The following SYNRG variants were observed in gnomAD, a reference collection of about 807,000 sequenced individuals.
SYNRG encodes synergin gamma, also known as AP1 gamma subunit binding protein 1.
SYNRG carries 37 observed loss-of-function variants against 130.9 expected under a neutral mutation model. That is an observed-to-expected ratio of 0.28 (90% CI 0.22 to 0.37). The LOEUF is 0.37. SYNRG is among the 10% of genes least tolerant of loss of function. SYNRG has a pLI of 1.00. For synonymous variants in SYNRG, 539 were observed against 568.1 expected (o/e 0.95, Z 0.73); for missense variants, 1,338 against 1,588.9 (o/e 0.84, Z 2.68).
At chr17:37,531,934 T>C (rs1568283913) in intron 19 of SYNRG, among the ~76,000 whole-genome samples, 2 of 152,222 alleles carry the variant, frequency 1.3e-5, no homozygotes, top group African/African-American at 4.8e-5. Context: ...GGCTAAAGAT[T>C]CACCACAATT....
intron 20 of SYNRG, 24 bp from the exon 21 acceptor site, chr17:37,520,238 G>A: frequency 1.2e-6 from 2 of 1,614,098 alleles, no homozygotes; most frequent in Non-Finnish European, 1.7e-6. Flanking sequence ...GAAACCACAG[G>A]TCAACAACAT....
intron 5 of SYNRG, among the ~76,000 whole-genome samples, chr17:37,584,995 TA>T (rs1477153773): frequency 6.6e-6 from 1 of 152,238 alleles, no homozygotes; most frequent in African/African-American, 2.4e-5. Flanking sequence ...ACCTGTTTGA[TA>T]TTAAGTGTCC....
At chr17:37,597,036 C>T (rs2062837805) in intron 2 of SYNRG, among the ~76,000 whole-genome samples, 4 of 152,196 alleles carry the variant, frequency 2.6e-5, no homozygotes, top group Admixed American at 2.6e-4. Flanking sequence ...GCCACTGTGC[C>T]TGGCCTGAAG....
chr17:37,584,170 A>G (rs9915242), intron 6 of SYNRG, among the ~76,000 whole-genome samples: 10,036 of 152,232 alleles, frequency 0.066, 1,080 homozygotes, highest in African/African-American at 0.22. Flanking sequence ...TAAAAATTAC[A>G]AAGAAATGCA....
intron 13 of SYNRG, among the ~76,000 whole-genome samples, chr17:37,556,693 G>GT (rs2059149565): frequency 6.6e-6 from 1 of 152,064 alleles, no homozygotes; most frequent in Non-Finnish European, 1.5e-5. Flanking sequence ...ATTTATATTT[G>GT]TAAGACATAC....
rs186555375 is a variant in SYNRG at position 37,519,524 on chromosome 17, C to T, written c.3814-453G>A. Among the ~76,000 whole-genome samples, 5 of 151,978 alleles carry T rather than the reference C, an allele frequency of 3.3e-5. No homozygotes were observed. In the East Asian group the frequency reaches 9.6e-4, roughly 29 times the overall value. Reference sequence around the variant, plus strand: ...AAAAAATTACAAGAGAGTTAGAGAACGAGAGAGTTAGAAAACGAGAGAGTT... The same window carrying T: ...AAAAAATTACAAGAGAGTTAGAGAATGAGAGAGTTAGAAAACGAGAGAGTT... On this transcript the variant is annotated intron_variant, in intron 21 of 21. Coordinates refer to ENST00000612223, the MANE Select transcript of SYNRG (RefSeq NM_007247.6).
intron 13 of SYNRG, chr17:37,557,193 C>T (rs558785975): frequency 6.6e-6 from 1 of 152,162 alleles, no homozygotes; most frequent in African/African-American, 2.4e-5. Flanking sequence ...TCAAAAGGGA[C>T]CACTTTTTTG....
chr17:37,573,687 G>A (rs2060606663), intron 8 of SYNRG, among the ~76,000 whole-genome samples: 1 of 152,094 alleles, frequency 6.6e-6, no homozygotes, highest in African/African-American at 2.4e-5. Context: ...ATTATGAGTA[G>A]TATCAGAAAA....
rs898568058 is a variant in SYNRG at position 37,542,237 on chromosome 17, T to C, written c.2937A>G (p.Glu979=). 4 of 1,614,244 alleles carry C rather than the reference T, an allele frequency of 2.5e-6. No homozygotes were observed. Among genetic ancestry groups the C allele is most frequent in the Admixed American group, 3.3e-5 (2 of 60,030 alleles). The change falls in exon 15 of 22, where the codon GAA becomes GAG. Residue 979 remains glutamate (E), a synonymous_variant. Transcript: ENST00000612223. ...AATCTTTATAGTCTCTGTTTTCATA[T>C]TCCTTTTGCTCACTGGTCTGAGGAA... The part of the protein sequence containing the change: ...DTIPQTSEQK[E]YENRDYKDFT...
chr17:37,606,254 C>T lies in SYNRG; in HGVS notation c.77+3025G>A, dbSNP rs78682060. Reference sequence around the variant, plus strand: ...CCCATCTCTGTGACGATCTCTTGACCGCTTCCTCTTCCTCTAACTCTGTGG... The same window carrying T: ...CCCATCTCTGTGACGATCTCTTGACTGCTTCCTCTTCCTCTAACTCTGTGG... On this transcript the variant is annotated intron_variant, in intron 1 of 21. Transcript: ENST00000612223. 2.1e-3 allele frequency among the ~76,000 whole-genome samples: 315 copies of T among 152,242 alleles called. 2 individuals are homozygous for T. The highest frequency in any genetic ancestry group is 7.4e-3 in the African/African-American group (306 of 41,536).
chr17:37,603,400 T>A (rs892445485), intron 1 of SYNRG, among the ~76,000 whole-genome samples: 6 of 152,198 alleles, frequency 3.9e-5, no homozygotes, highest in African/African-American at 1.4e-4. Flanking sequence ...TAATGGTGAT[T>A]CTTTTCCAGA....
At chr17:37,609,210 A>G (rs1462920629) in intron 1 of SYNRG, 69 bp downstream of exon 1, 18 of 1,363,862 alleles carry the variant, frequency 1.3e-5, no homozygotes, top group African/African-American at 6.1e-5. Flanking sequence ...GAAAACTGCC[A>G]TAACTGCCAA....
At chr17:37,530,648 A>G (rs1598112841) in intron 19 of SYNRG, among the ~76,000 whole-genome samples, 1 of 152,346 alleles carries the variant, frequency 6.6e-6, no homozygotes, top group Non-Finnish European at 1.5e-5. Flanking sequence ...CAGTTAACCA[A>G]TCCATTAAGG....
chr17:37,521,882 C>G (rs373507983), intron 19 of SYNRG, among the ~76,000 whole-genome samples: 1 of 151,940 alleles, frequency 6.6e-6, no homozygotes, highest in Non-Finnish European at 1.5e-5. Context: ...TAATAAGACA[C>G]GTGAGAGAAG....
chr17:37,543,870 A>G (rs2144975035), intron 14 of SYNRG, among the ~76,000 whole-genome samples: 1 of 152,352 alleles, frequency 6.6e-6, no homozygotes, highest in African/African-American at 2.4e-5. Flanking sequence ...ATTTCGTTTC[A>G]TTGTAGTCAC....
At chr17:37,582,341 T>C (rs558037786) in intron 6 of SYNRG, among the ~76,000 whole-genome samples, 15 of 152,318 alleles carry the variant, frequency 9.8e-5, no homozygotes, top group East Asian at 9.6e-4. Context: ...CCTCCCACAT[T>C]GTATTCCAAG....
At chr17:37,522,176 C>T (rs550362288) in intron 19 of SYNRG, among the ~76,000 whole-genome samples, 6 of 138,716 alleles carry the variant, frequency 4.3e-5, no homozygotes, top group Non-Finnish European at 7.8e-5. Flanking sequence ...AAGGGTAGGT[C>T]TCAATCTTGG....
intron 19 of SYNRG, among the ~76,000 whole-genome samples, chr17:37,525,258 T>C (rs1214742317): frequency 1.3e-5 from 2 of 152,202 alleles, no homozygotes; most frequent in Non-Finnish European, 2.9e-5. Flanking sequence ...TTCATGCATT[T>C]AGTTAAGATT....
At chr17:37,539,756 G>A (rs1351535590) in intron 16 of SYNRG, among the ~76,000 whole-genome samples, 2 of 152,200 alleles carry the variant, frequency 1.3e-5, no homozygotes, top group African/African-American at 4.8e-5. Flanking sequence ...GAGTCTAAGG[G>A]ACATGCTTTC....
Sources: gnomAD v4.1 joint callset for allele counts (sites outside exome capture counted in the v4.1 genomes callset) on GRCh38, gnomAD v4.1.1 for gene constraint, MANE v1.5 for transcripts, NCBI Gene and HGNC (gene_info 2026-07-23, HGNC 2026-07-21) for gene names.